Variants in SLFN5 observed in about 807,000 individuals in gnomAD.
The protein encoded by SLFN5 is schlafen family member 5.
A neutral mutation model predicts 48.5 loss-of-function variants in SLFN5; 34 were observed. The observed-to-expected ratio is 0.70, with a 90% CI of 0.53 to 0.93. The LOEUF (loss-of-function observed/expected upper bound fraction) is 0.93. Ranked by LOEUF, SLFN5 falls within the 40% of genes least tolerant of loss-of-function variation. The pLI is 0.00. For synonymous variants in SLFN5, 387 were observed against 396.2 expected (o/e 0.98, Z 0.28); for missense variants, 1,006 against 1,071.3 (o/e 0.94, Z 0.85).
At chr17:35,248,294 G>C (rs929937729) in intron 1 of SLFN5, among the ~76,000 whole-genome samples, 5 of 152,048 alleles carry the variant, frequency 3.3e-5, no homozygotes, top group African/African-American at 7.2e-5. Flanking sequence ...AGGATGAATG[G>C]GGCTGCCGTT....
Position 35,267,395 on chromosome 17 carries a change from T to G in SLFN5, c.*1507T>G, listed in dbSNP as rs928012359. ...ACATCTAATAGATATGTATGAAAAT[T>G]TAAAAACTAGAAAAGGTTGGGCATG... On this transcript the variant is annotated 3_prime_UTR_variant, in exon 5 of 5. Transcript: ENST00000299977. The G allele has an allele frequency of 6.6e-6, 1 of 152,006 alleles. No individual in the cohort carries two copies. Among genetic ancestry groups the G allele is most frequent in the Non-Finnish European group, 1.5e-5 (1 of 68,004 alleles). The allele number at this position is 152,006 out of a possible 1,614,324, so 9.4% of individuals were successfully genotyped here. A position where few individuals can be genotyped will look rare whatever the true frequency, so the allele number is the denominator to read the frequency against.
intron 1 of SLFN5, 67 bp from the exon 2 acceptor site, chr17:35,258,584 A>G (rs1904410677): frequency 7.2e-7 from 1 of 1,383,062 alleles, no homozygotes; most frequent in Admixed American, 2.3e-5. Context: ...GATGGCCTTA[A>G]TCTGTTGGTT....
At chr17:35,253,690 GTTTTTTTTTTTTT>G (rs57606643) in intron 1 of SLFN5, among the ~76,000 whole-genome samples, 1 of 76,046 alleles carries the variant, frequency 1.3e-5, no homozygotes, top group Non-Finnish European at 2.2e-5. Context: ...ATAGCTAACA[GTTTTTTTTTTTTT>G]TTTTTTTTTT....
Position 35,259,460 on chromosome 17 carries a change from G to A in SLFN5, c.770G>A (p.Gly257Asp). 6.2e-7 allele frequency: 1 copy of A among 1,614,194 alleles called. No homozygotes were observed. Among genetic ancestry groups the A allele is most frequent in the Non-Finnish European group, 8.5e-7 (1 of 1,180,046 alleles). The change falls in exon 2 of 5, where the codon GGC becomes GAC. Residue 257 changes from glycine to aspartate, a missense_variant. By Grantham distance (94) the Gly-to-Asp change is moderately conservative. Transcript: ENST00000299977. ...DLTSLRASIDGCIKKLPVHHF... is the reference protein window; with the variant it reads ...DLTSLRASIDDCIKKLPVHHF... ...ACGAGCTTGAGGGCTTCTATTGATG[G>A]CTGTATTAAGAAGCTACCTGTCCAT...
In SLFN5 at chr17:35,261,926, A is replaced by G. The variant is rs146766769; in HGVS notation, c.1138+830A>G. Among the ~76,000 whole-genome samples, 1,105 of 150,738 alleles carry G rather than the reference A, an allele frequency of 7.3e-3. 15 individuals are homozygous for G. Among genetic ancestry groups the G allele is most frequent in the African/African-American group, 0.025 (1,036 of 41,032 alleles). On this transcript the variant is annotated intron_variant, in intron 3 of 4. Transcript: ENST00000299977. ...ACTTCTGACGTCAGGTAATACACCC[A>G]CCTCGGCCTCCCAAAGTGCTGGGAT...
chr17:35,258,744 A>C lies in SLFN5; in HGVS notation c.54A>C (p.Ala18=). The C allele has an allele frequency of 6.2e-7, 1 of 1,614,156 alleles. No homozygotes were observed. Among genetic ancestry groups the C allele is most frequent in the Non-Finnish European group, 8.5e-7 (1 of 1,180,024 alleles). ...ACTTTCCTGAGTGTGTTGTAGATGCAGGAAAAGTCACCCTTGGGACTCAGC... is the reference window on the plus strand; with the variant it reads ...ACTTTCCTGAGTGTGTTGTAGATGCCGGAAAAGTCACCCTTGGGACTCAGC... The part of the protein sequence containing the change: ...DTNFPECVVD[A]GKVTLGTQQR... The change falls in exon 2 of 5, where the codon GCA becomes GCC. Residue 18 remains alanine, a synonymous_variant. Transcript: ENST00000299977.
chr17:35,256,649 C>T (rs1904351215), intron 1 of SLFN5, among the ~76,000 whole-genome samples: 1 of 152,190 alleles, frequency 6.6e-6, no homozygotes, highest in African/African-American at 2.4e-5. Context: ...CTCAGGGTTT[C>T]CTCATTCCAC....
intron 1 of SLFN5, among the ~76,000 whole-genome samples, chr17:35,257,430 T>C (rs1490847751): frequency 1.3e-5 from 2 of 152,178 alleles, no homozygotes; most frequent in East Asian, 1.9e-4. Flanking sequence ...GCCGGACAGG[T>C]GGCTTTTCCT....
chr17:35,264,462 C>T lies in SLFN5; in HGVS notation c.1418C>T (p.Ser473Phe). 6.2e-7 allele frequency: 1 copy of T among 1,614,154 alleles called. No homozygotes were observed. The highest frequency in any genetic ancestry group is 2.2e-5 in the East Asian group (1 of 44,880). Reference sequence around the variant, plus strand: ...GGCTATTCTATGATAGTTGCCTATTCTTTGAAGCAGAAGCTGGTGAACAAA... The same window carrying T: ...GGCTATTCTATGATAGTTGCCTATTTTTTGAAGCAGAAGCTGGTGAACAAA... ...CKGYSMIVAY[S>F]LKQKLVNKGG... Residue 473 changes from serine to phenylalanine, a missense_variant, in exon 4 of 5, where the codon TCT becomes TTT. Transcript: ENST00000299977.
At position 35,271,667 on chromosome 17, in the gene SLFN5, T is replaced by G. The variant is rs1199650419; in HGVS notation, c.*5779T>G. The G allele has an allele frequency of 6.6e-6, 1 of 152,194 alleles. No homozygotes were observed. Among genetic ancestry groups the G allele is most frequent in the African/African-American group, 2.4e-5 (1 of 41,458 alleles). The allele number at this position is 152,194 out of a possible 1,614,324, so 9.4% of individuals were successfully genotyped here. ...TAAATATATCAATTTTCACTGTTAATCTATAAATTCAGTGTAATCCCAATA... is the reference window on the plus strand; with the variant it reads ...TAAATATATCAATTTTCACTGTTAAGCTATAAATTCAGTGTAATCCCAATA... On this transcript the variant is annotated 3_prime_UTR_variant, in exon 5 of 5. Transcript: ENST00000299977.
Position 35,269,497 on chromosome 17 carries a change from AC to A in SLFN5, c.*3610del, listed in dbSNP as rs1187868196. On this transcript the variant is annotated 3_prime_UTR_variant, in exon 5 of 5. Transcript: ENST00000299977. ...GGTTTGGATCATTTTAAAAAAACAA[AC>A]AAAAATAATTTATTGGAATCATTAG... 1.3e-5 allele frequency: 2 copies of A among 152,232 alleles called. No homozygotes were observed. The highest frequency in any genetic ancestry group is 4.8e-5 in the African/African-American group (2 of 41,460). The allele number at this position is 152,232 out of a possible 1,614,324, so 9.4% of individuals were successfully genotyped here. A position where few individuals can be genotyped will look rare whatever the true frequency, so the allele number is the denominator to read the frequency against.
intron 1 of SLFN5, among the ~76,000 whole-genome samples, chr17:35,245,670 C>T (rs542911992): frequency 6.6e-6 from 1 of 152,142 alleles, no homozygotes; most frequent in Non-Finnish European, 1.5e-5. Flanking sequence ...ATAGTTCTTT[C>T]CTTTTTATTA....
rs113858018 is a variant in SLFN5 at position 35,253,330 on chromosome 17, T to C, written c.-40-5321T>C. 3.3e-5 allele frequency among the ~76,000 whole-genome samples: 5 copies of C among 150,674 alleles called. 1 individual carries two copies. The highest frequency in any genetic ancestry group is 7.3e-5 in the African/African-American group (3 of 41,102). On this transcript the variant is annotated intron_variant, in intron 1 of 4. Transcript: ENST00000299977. ...CAAACATTCAGACCATAAAAGATAC[T>C]GTTTATTTCTGGAAGATGACTGTAT...
intron 3 of SLFN5, among the ~76,000 whole-genome samples, chr17:35,261,304 G>A (rs989656174): frequency 2.0e-5 from 3 of 152,030 alleles, no homozygotes; most frequent in Non-Finnish European, 4.4e-5. Context: ...AGACACAAAA[G>A]GATCAAACTT....
chr17:35,250,709 G>T (rs953009039), intron 1 of SLFN5, among the ~76,000 whole-genome samples: 1 of 151,134 alleles, frequency 6.6e-6, no homozygotes, highest in African/African-American at 2.4e-5. Context: ...GTGACCTTGT[G>T]ATTCAGTTCT....
chr17:35,256,292 G>C (rs1415392562), intron 1 of SLFN5, among the ~76,000 whole-genome samples: 2 of 152,052 alleles, frequency 1.3e-5, no homozygotes, highest in Non-Finnish European at 2.9e-5. Flanking sequence ...CTGGGAGGCA[G>C]AGTTTACACT....
chr17:35,257,998 A>G (rs867211885), intron 1 of SLFN5, among the ~76,000 whole-genome samples: 4 of 152,170 alleles, frequency 2.6e-5, no homozygotes, highest in Admixed American at 2.0e-4. Context: ...AAAATTTTCT[A>G]TTTTCTGCAG....
rs35160124 is a variant in SLFN5, at chr17:35,266,177, T to TGTGTGTGTGTGCGCGCGC, written c.*290_*291insTGTGTGTGTGCGCGCGCG. 57 of 173,420 alleles carry TGTGTGTGTGTGCGCGCGC rather than the reference T, an allele frequency of 3.3e-4. No homozygotes were observed. The highest frequency in any genetic ancestry group is 3.9e-4 in the Non-Finnish European group (33 of 85,162). The allele number at this position is 173,420 out of a possible 1,614,324, so 10.7% of individuals were successfully genotyped here. On this transcript the variant is annotated 3_prime_UTR_variant, in exon 5 of 5. Transcript: ENST00000299977. ...GTGTGTGTGTGTGTGTGTGTGTGTG[T>TGTGTGTGTGTGCGCGCGC]GCGCGCGCGCACGTGCACATGTGTG...
rs1300134077 is a variant in SLFN5 at position 35,264,705 on chromosome 17, A to G, written c.1661A>G (p.Asn554Ser). Residue 554 changes from asparagine to serine, a missense_variant, in exon 4 of 5, where the codon AAC becomes AGC. Coordinates refer to ENST00000299977, the MANE Select transcript of SLFN5 (RefSeq NM_144975.4). ...LSEELGSEVL[N>S]LLTNKQYELL... ...GAAGAGCTGGGCTCTGAGGTTTTGA[A>G]CCTACTGACAAATAAACAGTATGAG... 6.2e-7 allele frequency: 1 copy of G among 1,607,948 alleles called. No homozygotes were observed. Among genetic ancestry groups the G allele is most frequent in the African/African-American group, 1.3e-5 (1 of 74,346 alleles).
Sources: gnomAD v4.1 joint callset for allele counts (sites outside exome capture counted in the v4.1 genomes callset) on GRCh38, gnomAD v4.1.1 for gene constraint, MANE v1.5 for transcripts, NCBI Gene and HGNC (gene_info 2026-07-23, HGNC 2026-07-21) for gene names.